Variants in ZNF804B observed in about 807,000 individuals in gnomAD.
The protein encoded by ZNF804B is zinc finger 804B.
ZNF804B carries 80 observed loss-of-function variants against 101.4 expected under a neutral mutation model. The ratio of observed to expected loss-of-function variants is 0.79; its 90% CI spans 0.66 to 0.95. ZNF804B has a LOEUF of 0.95. Ranked by LOEUF, ZNF804B falls within the 40% of genes least tolerant of loss-of-function variation. ZNF804B has a pLI of 0.00. For synonymous variants in ZNF804B, 622 were observed against 558.8 expected, an observed-to-expected ratio of 1.11 and a Z score of -1.59; for missense variants, 1,673 against 1,561.9, an observed-to-expected ratio of 1.07 and a Z score of -1.20.
chr7:88,854,859 G>T (rs1249285211), intron 1 of ZNF804B, among the ~76,000 whole-genome samples: 1 of 149,346 alleles, frequency 6.7e-6, no homozygotes, highest in Non-Finnish European at 1.5e-5. Flanking sequence ...GTGGTGTTTG[G>T]TTTTTTGTCC....
intron 1 of ZNF804B, among the ~76,000 whole-genome samples, chr7:89,139,372 A>G (rs1232023023): frequency 6.6e-6 from 1 of 152,008 alleles, no homozygotes; most frequent in Non-Finnish European, 1.5e-5. Context: ...TAAATTTCTT[A>G]AAATAAAACA....
Position 89,207,761 on chromosome 7 carries a change from AG to A in ZNF804B, c.109-10393del, listed in dbSNP as rs113180945. ...CTGGATAAAAATAAATCAATCAATC[AG>A]TCAAATGTATTCGTTCTTTCAGTCA... On this transcript the variant is annotated intron_variant, in intron 1 of 3. Transcript: ENST00000333190. Among the ~76,000 whole-genome samples the A allele has an allele frequency of 2.6e-3, 391 of 152,350 alleles. 3 individuals carry two copies. The highest frequency in any genetic ancestry group is 9.1e-3 in the African/African-American group (378 of 41,580).
intron 2 of ZNF804B, among the ~76,000 whole-genome samples, chr7:89,219,559 T>C (rs1386668123): frequency 1.3e-5 from 2 of 151,726 alleles, no homozygotes; most frequent in South Asian, 2.1e-4. Flanking sequence ...GAAGAGGCTA[T>C]TGTTCTCATC....
chr7:89,053,964 A>G (rs558488106), intron 1 of ZNF804B, among the ~76,000 whole-genome samples: 2 of 152,174 alleles, frequency 1.3e-5, no homozygotes, highest in South Asian at 2.1e-4. Flanking sequence ...GTCACTCACT[A>G]TTCAATTACA....
intron 1 of ZNF804B, among the ~76,000 whole-genome samples, chr7:89,211,412 T>C (rs1045717987): frequency 6.6e-6 from 1 of 152,214 alleles, no homozygotes; most frequent in Non-Finnish European, 1.5e-5. Context: ...CAATTGTTTT[T>C]GGCAATTTCA....
At chr7:88,904,301 A>C (rs920888005) in intron 1 of ZNF804B, among the ~76,000 whole-genome samples, 5 of 151,926 alleles carry the variant, frequency 3.3e-5, no homozygotes, top group African/African-American at 1.2e-4. Flanking sequence ...ATTCTGTTCC[A>C]CTGGTCTATG....
intron 1 of ZNF804B, among the ~76,000 whole-genome samples, chr7:88,838,185 C>T (rs1791243885): frequency 6.6e-6 from 1 of 151,712 alleles, no homozygotes; most frequent in South Asian, 2.1e-4. Flanking sequence ...CTGGTCCAAT[C>T]AAAGCTCTGT....
chr7:88,804,127 G>A lies in ZNF804B; in HGVS notation c.108+44043G>A, dbSNP rs1254130246. Among the ~76,000 whole-genome samples the A allele has an allele frequency of 2.6e-5, 4 of 152,192 alleles. No homozygotes were observed. In the East Asian group the frequency reaches 7.7e-4, roughly 29 times the overall value. On this transcript the variant is annotated intron_variant, in intron 1 of 3. Transcript: ENST00000333190. ...AGGGATTTAAAGAAAAATAGATCTG[G>A]TAAAATAGTTGAGCAAAGCCAGGTT...
chr7:89,199,583 A>G (rs993239326), intron 1 of ZNF804B, among the ~76,000 whole-genome samples: 3 of 151,902 alleles, frequency 2.0e-5, no homozygotes, highest in East Asian at 3.9e-4. Flanking sequence ...ACAGATGACA[A>G]AACAGATCAA....
At chr7:88,993,577 C>T (rs938453714) in intron 1 of ZNF804B, among the ~76,000 whole-genome samples, 27 of 152,014 alleles carry the variant, frequency 1.8e-4, no homozygotes, top group Non-Finnish European at 3.1e-4. Context: ...GAATTATCCT[C>T]TTCCAATTAC....
At chr7:88,874,876 A>C (rs1008345806) in intron 1 of ZNF804B, among the ~76,000 whole-genome samples, 9 of 147,146 alleles carry the variant, frequency 6.1e-5, no homozygotes, top group African/African-American at 2.3e-4. Flanking sequence ...GCACCACACC[A>C]CACCTATTCC....
At chr7:88,881,529 T>G (rs567929441) in intron 1 of ZNF804B, among the ~76,000 whole-genome samples, 5 of 152,264 alleles carry the variant, frequency 3.3e-5, no homozygotes, top group Non-Finnish European at 5.9e-5. Context: ...TAAATAAAGT[T>G]CTTCAGTCCA....
chr7:89,019,305 T>A (rs1295404811), intron 1 of ZNF804B, among the ~76,000 whole-genome samples: 1 of 152,102 alleles, frequency 6.6e-6, no homozygotes, highest in African/African-American at 2.4e-5. Context: ...TTCCTCTTGG[T>A]ATAGATTTTT....
chr7:89,134,340 A>G (rs1445764084), intron 1 of ZNF804B, among the ~76,000 whole-genome samples: 1 of 152,066 alleles, frequency 6.6e-6, no homozygotes, highest in African/African-American at 2.4e-5. Flanking sequence ...TAAATGTGTA[A>G]AACAGTGGGA....
chr7:89,175,298 T>C (rs1467705645), intron 1 of ZNF804B, among the ~76,000 whole-genome samples: 1 of 144,252 alleles, frequency 6.9e-6, no homozygotes, highest in East Asian at 2.0e-4. Flanking sequence ...TGCATATGGA[T>C]ATCCAATTTT....
At chr7:89,051,863 C>T (rs1363638146) in intron 1 of ZNF804B, among the ~76,000 whole-genome samples, 1 of 152,006 alleles carries the variant, frequency 6.6e-6, no homozygotes, top group Non-Finnish European at 1.5e-5. Flanking sequence ...TCTTGTCTTC[C>T]CTGTTGTCCA....
chr7:88,979,583 CTTTCTTTCTTTTTTCTT>C (rs1793666021), intron 1 of ZNF804B, among the ~76,000 whole-genome samples: 1 of 147,870 alleles, frequency 6.8e-6, no homozygotes, highest in African/African-American at 2.5e-5. Context: ...TTGCTTTTTC[CTTTCTTTCTTTTTTCTT>C]TTTCTTTCTT....
intron 1 of ZNF804B, among the ~76,000 whole-genome samples, chr7:88,785,410 C>T (rs991294952): frequency 6.6e-6 from 1 of 152,042 alleles, no homozygotes; most frequent in Non-Finnish European, 1.5e-5. Context: ...TATCTCTTTC[C>T]TAGATTGTTG....
At chr7:89,315,574 G>A (rs1790712224) in intron 2 of ZNF804B, among the ~76,000 whole-genome samples, 1 of 151,980 alleles carries the variant, frequency 6.6e-6, no homozygotes, top group Non-Finnish European at 1.5e-5. Context: ...ATTATATATT[G>A]TTGATTTTTA....
Sources: gnomAD v4.1 joint callset for allele counts (sites outside exome capture counted in the v4.1 genomes callset) on GRCh38, gnomAD v4.1.1 for gene constraint, MANE v1.5 for transcripts, NCBI Gene and HGNC (gene_info 2026-07-23, HGNC 2026-07-21) for gene names.